Variants in ASMTL observed in about 807,000 individuals in gnomAD.
The protein encoded by ASMTL is acetylserotonin O-methyltransferase like.
ASMTL carries 57 observed loss-of-function variants against 60.3 expected under a neutral mutation model. That is an observed-to-expected ratio of 0.95 (90% CI 0.76 to 1.18). The LOEUF is 1.18. ASMTL is among the 50% of genes most tolerant of loss of function. ASMTL has a pLI of 0.00. For synonymous variants in ASMTL, 419 were observed against 373.0 expected (o/e 1.12, Z -1.42); for missense variants, 981 against 852.6 (o/e 1.15, Z -1.88).
chrX:1,426,934 G>A (rs2090628596), intron 7 of ASMTL, among the ~76,000 whole-genome samples: 1 of 151,982 alleles, frequency 6.6e-6, no homozygotes, highest in Admixed American at 6.6e-5. Context: ...AGTGAGCCGA[G>A]ATCATGCCAC....
chrX:1,415,544 C>T (rs1344600689), intron 11 of ASMTL, among the ~76,000 whole-genome samples: 52 of 151,926 alleles, frequency 3.4e-4, no homozygotes, highest in African/African-American at 1.2e-3. Context: ...CAGCTCACTG[C>T]AACCTCCGCC....
Position 1,404,052 on chromosome X carries a change from G to A in ASMTL, c.1646-563C>T, listed in dbSNP as rs746941086. Among the ~76,000 whole-genome samples the A allele has an allele frequency of 2.6e-5, 4 of 152,020 alleles. No individual in the cohort carries two copies. In the East Asian group the frequency reaches 5.8e-4, roughly 22 times the overall value. ...CGGATGGATAGATGGATGCATGGAC[G>A]AGATGGATGGATGGGTGAATAGATG... On this transcript the variant is annotated intron_variant, in intron 12 of 12. Coordinates refer to ENST00000381317, the MANE Select transcript of ASMTL (RefSeq NM_004192.4).
chrX:1,436,841 C>G (rs1472617988), intron 3 of ASMTL, among the ~76,000 whole-genome samples: 1 of 152,206 alleles, frequency 6.6e-6, no homozygotes. Context: ...TGGGTACATA[C>G]AAGAGTAGAT....
intron 2 of ASMTL, among the ~76,000 whole-genome samples, chrX:1,441,337 G>A (rs1363372858): frequency 2.0e-5 from 3 of 152,052 alleles, no homozygotes; most frequent in African/African-American, 7.2e-5. Flanking sequence ...AGTGCAGTGG[G>A]ATGATCTCGG....
At chrX:1,448,017 ACCATCTTGGACACACACCG>A (rs2091266494) in intron 1 of ASMTL, among the ~76,000 whole-genome samples, 2 of 150,122 alleles carry the variant, frequency 1.3e-5, no homozygotes, top group Admixed American at 6.6e-5. Flanking sequence ...TTGGACACAC[ACCATCTTGGACACACACCG>A]CCATCTTGGA....
chrX:1,445,665 G>GT (rs2091216043), intron 1 of ASMTL, among the ~76,000 whole-genome samples: 1 of 151,994 alleles, frequency 6.6e-6, no homozygotes, highest in Non-Finnish European at 1.5e-5. Context: ...GAGCTCTTCC[G>GT]GTATATGATA....
intron 3 of ASMTL, among the ~76,000 whole-genome samples, chrX:1,437,287 G>GT (rs1225154628): frequency 6.6e-6 from 1 of 151,726 alleles, no homozygotes; most frequent in Non-Finnish European, 1.5e-5. Flanking sequence ...GTGTGTGTCT[G>GT]TGTCCTTATC....
chrX:1,412,772 G>T lies in ASMTL; in HGVS notation c.1605C>A (p.Val535=). 1 of 1,613,990 alleles carries T rather than the reference G, an allele frequency of 6.2e-7. No homozygotes were observed. The change falls in exon 12 of 13, where the codon GTC becomes GTA. Residue 535 remains valine (V), a synonymous_variant. Coordinates refer to ENST00000381317, the MANE Select transcript of ASMTL (RefSeq NM_004192.4). The part of the protein sequence containing the change: ...RILHDWPDDK[V]HKLLSRVAES... Reference sequence around the variant, plus strand: ...CGGCGACCCTGCTGAGTAACTTGTGGACTTTGTCGTCTGGCCAGTCATGCA... The same window carrying T: ...CGGCGACCCTGCTGAGTAACTTGTGTACTTTGTCGTCTGGCCAGTCATGCA...
At chrX:1,450,932 G>A (rs1183427463) in intron 1 of ASMTL, among the ~76,000 whole-genome samples, 1 of 141,164 alleles carries the variant, frequency 7.1e-6, no homozygotes, top group Non-Finnish European at 1.5e-5. Context: ...CCATTCCTAG[G>A]GGGTCCTGGC....
chrX:1,435,801 G>T (rs1245575947), intron 3 of ASMTL, 43 bp from the exon 4 acceptor site: 1 of 1,563,888 alleles, frequency 6.4e-7, no homozygotes, highest in Non-Finnish European at 8.8e-7. Flanking sequence ...CCACCGGCTG[G>T]GTCAGGCCTG....
intron 1 of ASMTL, among the ~76,000 whole-genome samples, chrX:1,452,093 CCCTCCCCCATCCCTAGGGGGTCCTGGGT>C (rs2091407034): frequency 6.7e-6 from 1 of 149,242 alleles, no homozygotes; most frequent in South Asian, 2.1e-4. Context: ...GGTTACTCTC[CCCTCCCCCATCCCTAGGGGGTCCTGGGT>C]CACTCTCCCC....
At chrX:1,422,420 A>G (rs73619067) in intron 8 of ASMTL, among the ~76,000 whole-genome samples, 100,660 of 151,794 alleles carry the variant, frequency 0.66, 34,525 homozygotes, top group South Asian at 0.87. Flanking sequence ...GCCAGCCTAC[A>G]CAATCACGTA....
At chrX:1,412,341 C>T (rs1162462514) in intron 12 of ASMTL, among the ~76,000 whole-genome samples, 1 of 152,120 alleles carries the variant, frequency 6.6e-6, no homozygotes, top group African/African-American at 2.4e-5. Context: ...GATTCTCCTG[C>T]CTCAGCCTCT....
At chrX:1,405,381 T>TGGAC (rs2089781177) in intron 12 of ASMTL, among the ~76,000 whole-genome samples, 1 of 149,676 alleles carries the variant, frequency 6.7e-6, no homozygotes, top group Admixed American at 6.6e-5. Context: ...GATGGGTGAA[T>TGGAC]AGGTAGGTAG....
intron 10 of ASMTL, among the ~76,000 whole-genome samples, chrX:1,418,352 C>T (rs1449116537): frequency 6.6e-6 from 1 of 151,222 alleles, no homozygotes; most frequent in Non-Finnish European, 1.5e-5. Context: ...GAGGGCTGTA[C>T]TCCCTTCTCC....
chrX:1,421,724 A>C lies in ASMTL; in HGVS notation c.1179T>G (p.Phe393Leu). Residue 393 changes from phenylalanine (F) to leucine (L), a missense_variant, in exon 9 of 13, where the codon TTT becomes TTG. Transcript: ENST00000381317. ...GCTGGTTTGTTCCCTCTCGGATGGC[A>C]AACTCCAGGTATGTAAAGAGGTTCC... ...LTWNLFTYLEFAIREGTNQHH... is the reference protein window; with the variant it reads ...LTWNLFTYLELAIREGTNQHH... 1 of 1,613,942 alleles carries C rather than the reference A, an allele frequency of 6.2e-7. No individual in the cohort carries two copies. The highest frequency in any genetic ancestry group is 8.5e-7 in the Non-Finnish European group (1 of 1,179,862).
At chrX:1,445,681 T>C (rs184663473) in intron 1 of ASMTL, among the ~76,000 whole-genome samples, 63 of 152,278 alleles carry the variant, frequency 4.1e-4, no homozygotes, top group African/African-American at 1.4e-3. Flanking sequence ...TGATAAAATA[T>C]AAAACGAGAA....
rs1480916352 is a variant in ASMTL at position 1,403,153 on chromosome X, C to T, written c.*116G>A. The T allele has an allele frequency of 7.2e-6, 6 of 835,008 alleles. No homozygotes were observed. Among genetic ancestry groups the T allele is most frequent in the Admixed American group, 6.6e-5 (3 of 45,306 alleles). 51.7% of individuals were successfully genotyped at this position (835,008 alleles called of 1,614,324 possible). A position where few individuals can be genotyped will look rare whatever the true frequency, so the allele number is the denominator to read the frequency against. On this transcript the variant is annotated 3_prime_UTR_variant, in exon 13 of 13. Transcript: ENST00000381317. ...GGAGGCAGAGACAGGCTTTTGCTTT[C>T]TTTATTCAGTCACGACTACACGCTC...
At chrX:1,429,443 C>T (rs1328870282) in intron 6 of ASMTL, among the ~76,000 whole-genome samples, 2 of 151,882 alleles carry the variant, frequency 1.3e-5, no homozygotes, top group Non-Finnish European at 2.9e-5. Context: ...AGTGATCCTC[C>T]CGTCTTGGCT....
Sources: gnomAD v4.1 joint callset for allele counts (sites outside exome capture counted in the v4.1 genomes callset) on GRCh38, gnomAD v4.1.1 for gene constraint, MANE v1.5 for transcripts, NCBI Gene and HGNC (gene_info 2026-07-23, HGNC 2026-07-21) for gene names.